Variants in KIF3A observed in about 807,000 individuals in gnomAD.
KIF3A encodes the protein kinesin-like protein KIF3A.
Under a neutral mutation model 92.6 loss-of-function variants are expected in KIF3A, and 27 were observed. That is an observed-to-expected ratio of 0.29 (90% CI 0.21 to 0.40). KIF3A has a LOEUF of 0.40. Ranked by LOEUF, KIF3A falls within the 10% of genes least tolerant of loss-of-function variation. The pLI is 1.00. For synonymous variants in KIF3A, 250 were observed against 275.4 expected (o/e 0.91, Z 0.92); for missense variants, 581 against 872.6 (o/e 0.67, Z 4.21).
chr5:132,731,935 T>G (rs1754245965), intron 2 of KIF3A, among the ~76,000 whole-genome samples: 1 of 152,076 alleles, frequency 6.6e-6, no homozygotes, highest in South Asian at 2.1e-4. Flanking sequence ...AGTCTCGAAC[T>G]CCCGACCTCG....
intron 17 of KIF3A, chr5:132,699,645 A>G (rs1581062320): frequency 2.5e-6 from 1 of 408,050 alleles, no homozygotes; most frequent in East Asian, 7.2e-5. Context: ...TGCAAGCTCC[A>G]CCTCCTGGGT....
intron 5 of KIF3A, among the ~76,000 whole-genome samples, chr5:132,719,188 T>C (rs1208099569): frequency 6.6e-6 from 1 of 152,244 alleles, no homozygotes; most frequent in African/African-American, 2.4e-5. Context: ...CCAACCTACA[T>C]ATCCTTCATC....
chr5:132,691,414 G>T (rs1477921362), downstream of KIF3A, among the ~76,000 whole-genome samples: 3 of 151,904 alleles, frequency 2.0e-5, no homozygotes, highest in Non-Finnish European at 4.4e-5. Context: ...AAGCATGATG[G>T]TGCATGCCTG....
chr5:132,724,806 AATATATATATATATATATATATATAT>A (rs1167332306), intron 4 of KIF3A, among the ~76,000 whole-genome samples: 9 of 22,700 alleles, frequency 4.0e-4, no homozygotes, highest in Non-Finnish European at 6.6e-4. Flanking sequence ...AAAAAAAAAA[AATATATATATATATATATATATATAT>A]ATATATATAT....
intron 2 of KIF3A, among the ~76,000 whole-genome samples, chr5:132,731,010 T>A (rs1480506739): frequency 6.6e-6 from 1 of 152,154 alleles, no homozygotes; most frequent in Non-Finnish European, 1.5e-5. Flanking sequence ...AATAGTCTTA[T>A]GTCTATTAAA....
chr5:132,733,334 C>G (rs1475335269), intron 2 of KIF3A, among the ~76,000 whole-genome samples: 1 of 152,136 alleles, frequency 6.6e-6, no homozygotes, highest in African/African-American at 2.4e-5. Flanking sequence ...ATTAGTAACA[C>G]ACAATCCAAA....
At chr5:132,736,690 C>A in intron 1 of KIF3A, 1 of 412,490 alleles carries the variant, frequency 2.4e-6, no homozygotes, top group Admixed American at 3.4e-5. Flanking sequence ...GGATAACAAC[C>A]CCATGAGGTA....
At chr5:132,703,156 T>C (rs1753099125) in intron 12 of KIF3A, 91 bp from the exon 13 acceptor site, 2 of 1,095,474 alleles carry the variant, frequency 1.8e-6, no homozygotes, top group Non-Finnish European at 2.6e-6. Context: ...GGATATACAA[T>C]TTCAAAATAG....
rs114185686 is a variant in KIF3A at position 132,730,131 on chromosome 5, A to C, written c.281-3633T>G. Among the ~76,000 whole-genome samples, 310 of 152,388 alleles carry C rather than the reference A, an allele frequency of 2.0e-3. 3 individuals are homozygous for C. The highest frequency in any genetic ancestry group is 7.0e-3 in the African/African-American group (291 of 41,596). On this transcript the variant is annotated intron_variant, in intron 2 of 18. Coordinates refer to ENST00000403231, the MANE Select transcript of KIF3A (RefSeq NM_001300791.2). Reference sequence around the variant, plus strand: ...GCCAATGAATTTGACAACTTAGATGAAACGGACTAATTCCGTGAAAGACAA... The same window carrying C: ...GCCAATGAATTTGACAACTTAGATGCAACGGACTAATTCCGTGAAAGACAA...
intron 2 of KIF3A, among the ~76,000 whole-genome samples, chr5:132,729,093 G>C (rs985201542): frequency 1.3e-5 from 2 of 152,142 alleles, no homozygotes; most frequent in African/African-American, 4.8e-5. Flanking sequence ...GTGCAAAGGC[G>C]TAAGAACGAT....
chr5:132,731,346 C>T (rs914498595), intron 2 of KIF3A, among the ~76,000 whole-genome samples: 4 of 152,038 alleles, frequency 2.6e-5, no homozygotes, highest in African/African-American at 9.7e-5. Flanking sequence ...GCTAGTTTCA[C>T]ATTCAAAAAT....
downstream of KIF3A, chr5:132,689,512 G>A (rs1317917735): frequency 1.3e-5 from 2 of 152,118 alleles, no homozygotes; most frequent in Admixed American, 6.5e-5. Context: ...AGTGGAAAAC[G>A]CATTATTTTA....
At chr5:132,724,407 T>C (rs1231376643) in intron 4 of KIF3A, among the ~76,000 whole-genome samples, 3 of 152,008 alleles carry the variant, frequency 2.0e-5, no homozygotes, top group Non-Finnish European at 4.4e-5. Flanking sequence ...TGTCCAACAA[T>C]GATAGACTGG....
intron 17 of KIF3A, 97 bp downstream of exon 17, chr5:132,700,119 A>C (rs879737503): frequency 5.6e-5 from 40 of 710,544 alleles, no homozygotes; most frequent in Non-Finnish European, 9.1e-5. Flanking sequence ...GCTGATTAAC[A>C]GATATCAAGT....
chr5:132,720,597 C>T lies in KIF3A; in HGVS notation c.616+12G>A. On this transcript the variant is annotated intron_variant, in intron 5 of 18. Coordinates refer to ENST00000403231, the MANE Select transcript of KIF3A (RefSeq NM_001300791.2). ...ACACAGATGCTTAATCACAATTACA[C>T]ACTATACTTACGATTTTTGTGGCCT... is the stretch of plus-strand genomic sequence containing the variant. 6.5e-7 allele frequency: 1 copy of T among 1,546,746 alleles called. No homozygotes were observed. Among genetic ancestry groups the T allele is most frequent in the Non-Finnish European group, 8.9e-7 (1 of 1,124,094 alleles).
intron 14 of KIF3A, 68 bp from the exon 15 acceptor site, chr5:132,702,280 A>G: frequency 2.7e-6 from 4 of 1,497,088 alleles, no homozygotes; most frequent in African/African-American, 1.4e-5. Context: ...ACCATCTCAC[A>G]TAGGATGCTT....
intron 2 of KIF3A, among the ~76,000 whole-genome samples, chr5:132,732,004 G>A (rs116232635): frequency 0.019 from 2,894 of 152,104 alleles, 78 homozygotes; most frequent in African/African-American, 0.061. Context: ...CACTGTGCCT[G>A]GCCAACATAT....
At chr5:132,712,712 A>C (rs970004155) in intron 8 of KIF3A, among the ~76,000 whole-genome samples, 2 of 152,230 alleles carry the variant, frequency 1.3e-5, no homozygotes, top group Admixed American at 6.5e-5. Context: ...TTTGCAGTGG[A>C]GAAACTTTGC....
rs141562223 is a variant in KIF3A at position 132,720,730 on chromosome 5, G to A, written c.511-16C>T. 1.4e-3 allele frequency: 1,886 copies of A among 1,389,322 alleles called. 10 individuals carry two copies. In the African/African-American group the frequency reaches 0.02, roughly 15 times the overall value. 86.1% of individuals were successfully genotyped at this position (1,389,322 alleles called of 1,614,324 possible). A position where few individuals can be genotyped will look rare whatever the true frequency, so the allele number is the denominator to read the frequency against. ...TTTCTTTAACCTAAAAAAAAATTAAGACTTTATACTATATCAATAACTCTT... is the reference window on the plus strand; with the variant it reads ...TTTCTTTAACCTAAAAAAAAATTAAAACTTTATACTATATCAATAACTCTT... On this transcript the variant is annotated splice_polypyrimidine_tract_variant and intron_variant, in intron 4 of 18. Coordinates refer to ENST00000403231, the MANE Select transcript of KIF3A (RefSeq NM_001300791.2).
Sources: allele counts gnomAD v4.1 joint callset (sites outside exome capture counted in the v4.1 genomes callset), GRCh38; gene constraint gnomAD v4.1.1; transcripts MANE v1.5; gene names NCBI Gene and HGNC (gene_info 2026-07-23, HGNC 2026-07-21).